The following IGFBP5 variants were observed in gnomAD, a reference collection of about 807,000 sequenced individuals.
IGFBP5 encodes the protein insulin-like growth factor-binding protein 5.
In IGFBP5, 12 loss-of-function variants were observed where a neutral mutation model predicts 28.0. The observed-to-expected ratio is 0.43, with a 90% CI of 0.27 to 0.69. The LOEUF is 0.69. Ranked by LOEUF, IGFBP5 falls within the 30% of genes least tolerant of loss-of-function variation. The probability of loss-of-function intolerance (pLI) is 0.20; values close to 1 mark genes in which losing one functional copy is unlikely to be tolerated. For synonymous variants in IGFBP5, 152 were observed against 150.2 expected (o/e 1.01, Z -0.09); for missense variants, 344 against 381.6 (o/e 0.90, Z 0.82).
intron 1 of IGFBP5, among the ~76,000 whole-genome samples, chr2:216,689,440 C>T (rs1689068375): frequency 6.6e-6 from 1 of 152,222 alleles, no homozygotes; most frequent in African/African-American, 2.4e-5. Context: ...GTGTGGCCCT[C>T]TCCACTTTGG....
At chr2:216,693,043 A>G (rs1689119504) in intron 1 of IGFBP5, among the ~76,000 whole-genome samples, 1 of 152,212 alleles carries the variant, frequency 6.6e-6, no homozygotes, top group South Asian at 2.1e-4. Flanking sequence ...TGTCTCCGTA[A>G]CTAAACTACG....
intron 3 of IGFBP5, among the ~76,000 whole-genome samples, chr2:216,677,247 C>T (rs576935787): frequency 3.9e-5 from 6 of 151,988 alleles, no homozygotes; most frequent in Non-Finnish European, 7.4e-5. Flanking sequence ...CTTATAGTCC[C>T]GTTTTAAATA....
In IGFBP5 at chr2:216,694,983, A is replaced by G; in HGVS notation, c.-208T>C. The stretch of plus-strand genomic sequence containing the variant: ...GTGCCTGCGAGCAGGTCCCAGTTGC[A>G]AGAATTAAAGCCTTGCAACAGGTTG... On this transcript the variant is annotated 5_prime_UTR_variant, in exon 1 of 4. Transcript: ENST00000233813. The surrounding 1 kb of genome is among the most constrained non-coding windows in gnomAD (Gnocchi z 5.2). The G allele has an allele frequency of 2.5e-6, 1 of 399,144 alleles. No homozygotes were observed. Among genetic ancestry groups the G allele is most frequent in the Non-Finnish European group, 4.4e-6 (1 of 226,866 alleles). 24.7% of individuals were successfully genotyped at this position (399,144 alleles called of 1,614,324 possible).
intron 1 of IGFBP5, among the ~76,000 whole-genome samples, chr2:216,687,963 C>T (rs1689051351): frequency 6.6e-6 from 1 of 152,218 alleles, no homozygotes; most frequent in Admixed American, 6.5e-5. Flanking sequence ...TGAGACTCCC[C>T]TTTTTTGAGT....
In IGFBP5 at chr2:216,691,836, CGTGTGTGTGTGTGTGTGTGTGT is replaced by C. The variant is rs56040272; in HGVS notation, c.337+2581_337+2602del. Among the ~76,000 whole-genome samples the C allele has an allele frequency of 7.4e-5, 9 of 121,222 alleles. No homozygotes were observed. In the South Asian group the frequency reaches 1.1e-3, roughly 15 times the overall value. 79.5% of individuals were successfully genotyped at this position (121,222 alleles called of 152,430 possible). On this transcript the variant is annotated intron_variant, in intron 1 of 3. Transcript: ENST00000233813. ...ATATAATTATATAGATATAATATGTCGTGTGTGTGTGTGTGTGTGTGTGTGTGTGTGTGTGTGTGTGTATGCT... is the reference window on the plus strand; with the variant it reads ...ATATAATTATATAGATATAATATGTCGTGTGTGTGTGTGTGTGTGTATGCT...
At position 216,686,865 on chromosome 2, in the gene IGFBP5, C is replaced by T. The variant is rs558801046; in HGVS notation, c.337+7574G>A. 1.3e-3 allele frequency among the ~76,000 whole-genome samples: 199 copies of T among 151,952 alleles called. 1 individual carries two copies. The highest frequency in any genetic ancestry group is 4.5e-3 in the African/African-American group (186 of 41,486). On this transcript the variant is annotated intron_variant, in intron 1 of 3. Transcript: ENST00000233813. The stretch of plus-strand genomic sequence containing the variant: ...ATCTCTTGAGCTCGTGATCCACCCA[C>T]CTCAGCCTCCCAAAGACCTTACTTT...
rs1205721841 is a variant in IGFBP5, at chr2:216,678,372, G to T, written c.568-141C>A. On this transcript the variant is annotated intron_variant, in intron 2 of 3. Coordinates refer to ENST00000233813, the MANE Select transcript of IGFBP5 (RefSeq NM_000599.4). ...TTGGTTCTAATCATCTGCTACCAAA[G>T]ATCTTTCCTCCCTGTCACCTGTCAC... 5 of 887,522 alleles carry T rather than the reference G, an allele frequency of 5.6e-6. No individual in the cohort carries two copies. In the African/African-American group the frequency reaches 6.8e-5, roughly 12 times the overall value. The allele number at this position is 887,522 out of a possible 1,614,324, so 55.0% of individuals were successfully genotyped here. A position where few individuals can be genotyped will look rare whatever the true frequency, so the allele number is the denominator to read the frequency against.
intron 1 of IGFBP5, among the ~76,000 whole-genome samples, chr2:216,688,088 C>A (rs968005039): frequency 1.3e-5 from 2 of 151,928 alleles, no homozygotes; most frequent in African/African-American, 4.8e-5. Flanking sequence ...AAATGTGGCC[C>A]GGGGAACTGA....
intron 1 of IGFBP5, among the ~76,000 whole-genome samples, chr2:216,682,750 C>G (rs1027379283): frequency 2.6e-5 from 4 of 151,862 alleles, no homozygotes; most frequent in Non-Finnish European, 5.9e-5. Context: ...CTTCTGTCGC[C>G]CAGGCTGGAG....
At chr2:216,689,376 T>G (rs969495319) in intron 1 of IGFBP5, among the ~76,000 whole-genome samples, 3 of 152,240 alleles carry the variant, frequency 2.0e-5, no homozygotes, top group Admixed American at 6.5e-5. Context: ...TAAGCCAGGC[T>G]TGTATGCAAG....
chr2:216,693,211 G>C (rs954559818), intron 1 of IGFBP5, among the ~76,000 whole-genome samples: 4 of 151,990 alleles, frequency 2.6e-5, no homozygotes, highest in African/African-American at 9.7e-5. Context: ...TCAGTCTAAG[G>C]GGGTAGAACT....
rs376410620 is a variant in IGFBP5 at position 216,676,888 on chromosome 2, G to T, written c.688-6C>A. On this transcript the variant is annotated splice_region_variant and splice_polypyrimidine_tract_variant and intron_variant, in intron 3 of 3. Transcript: ENST00000233813. ...CGGCCACGGGAAGGTTTGCACTGGGGTGAGTAGAGCAACAGGCGGTGAGGA... is the reference window on the plus strand; with the variant it reads ...CGGCCACGGGAAGGTTTGCACTGGGTTGAGTAGAGCAACAGGCGGTGAGGA... The T allele has an allele frequency of 1.2e-6, 2 of 1,613,814 alleles. No homozygotes were observed. The highest frequency in any genetic ancestry group is 1.7e-5 in the Admixed American group (1 of 59,988).
At chr2:216,678,743 G>T (rs1363254457) in intron 2 of IGFBP5, 107 bp downstream of exon 2, 1 of 883,144 alleles carries the variant, frequency 1.1e-6, no homozygotes, top group Non-Finnish European at 1.8e-6. Flanking sequence ...GTGGGCTGTA[G>T]GTCCTCTGCT....
chr2:216,680,945 C>T (rs1244594257), intron 1 of IGFBP5, among the ~76,000 whole-genome samples: 3 of 152,160 alleles, frequency 2.0e-5, no homozygotes, highest in African/African-American at 4.8e-5. Context: ...AGGGTGACAT[C>T]TCTGGTAGGT....
intron 2 of IGFBP5, among the ~76,000 whole-genome samples, chr2:216,678,604 GC>G (rs1217335502): frequency 6.6e-6 from 1 of 152,138 alleles, no homozygotes; most frequent in East Asian, 1.9e-4. Flanking sequence ...CTGGTACGTG[GC>G]CGCTGGGCTG....
chr2:216,679,312 A>G lies in IGFBP5; in HGVS notation c.338-233T>C, dbSNP rs539578950. ...TTGGAGTCAAGCAGAGAGTGCAGGC[A>G]GGGAGGCTTCACAGAGGAGGAGAAT... On this transcript the variant is annotated intron_variant, in intron 1 of 3. Coordinates refer to ENST00000233813, the MANE Select transcript of IGFBP5 (RefSeq NM_000599.4). The surrounding 1 kb of genome is among the most constrained non-coding windows in gnomAD (Gnocchi z 4.6). 2.1e-5 allele frequency: 12 copies of G among 575,672 alleles called. No individual in the cohort carries two copies. The highest frequency in any genetic ancestry group is 3.8e-5 in the Non-Finnish European group (12 of 316,608). 35.7% of individuals were successfully genotyped at this position (575,672 alleles called of 1,614,324 possible).
chr2:216,687,517 G>A (rs1312611452), intron 1 of IGFBP5, among the ~76,000 whole-genome samples: 1 of 152,124 alleles, frequency 6.6e-6, no homozygotes. Context: ...TGTGACTCTG[G>A]TTCACATTTC....
At position 216,676,601 on chromosome 2, in the gene IGFBP5, T is replaced by C; in HGVS notation, c.*150A>G. The C allele has an allele frequency of 1.9e-6, 1 of 521,600 alleles. No individual in the cohort carries two copies. The highest frequency in any genetic ancestry group is 5.2e-4 in the Middle Eastern group (1 of 1,932). 32.3% of individuals were successfully genotyped at this position (521,600 alleles called of 1,614,324 possible). On this transcript the variant is annotated 3_prime_UTR_variant, in exon 4 of 4. Transcript: ENST00000233813. ...TTCGAAGTTGAGCCCTTGCTAGAGA[T>C]TCCGAGGTCCTCAGTTTCCTCAAAT...
intron 1 of IGFBP5, among the ~76,000 whole-genome samples, chr2:216,688,457 T>C (rs1018010782): frequency 4.6e-5 from 7 of 152,358 alleles, no homozygotes; most frequent in African/African-American, 1.7e-4. Flanking sequence ...TTAATTTCCC[T>C]GTTTTTTTTA....
Sources: gnomAD v4.1 joint callset for allele counts (sites outside exome capture counted in the v4.1 genomes callset) on GRCh38, gnomAD v4.1.1 for gene constraint, Gnocchi (gnomAD v3.1) non-coding constraint, MANE v1.5 for transcripts, NCBI Gene and HGNC (gene_info 2026-07-23, HGNC 2026-07-21) for gene names.